The following LIMA1 variants were observed in gnomAD, a reference collection of about 807,000 sequenced individuals.
LIMA1 encodes the protein LIM domain and actin binding 1, also known as LIM domain and actin-binding protein 1.
A neutral mutation model predicts 62.6 loss-of-function variants in LIMA1; 52 were observed. The ratio of observed to expected loss-of-function variants is 0.83; its 90% CI spans 0.67 to 1.05. The LOEUF (loss-of-function observed/expected upper bound fraction) is 1.05. Ranked by LOEUF, LIMA1 falls within the 50% of genes least tolerant of loss-of-function variation. The pLI is 0.00. For missense variants in LIMA1, 780 were observed against 902.2 expected (o/e 0.86, Z 1.74); for synonymous variants, 302 against 317.8 (o/e 0.95, Z 0.53).
chr12:50,212,453 T>G (rs531579488), intron 4 of LIMA1, among the ~76,000 whole-genome samples: 1 of 152,326 alleles, frequency 6.6e-6, no homozygotes, highest in African/African-American at 2.4e-5. Flanking sequence ...GAGAAAAATT[T>G]CTTTCTTCAG....
intron 9 of LIMA1, chr12:50,186,485 T>C (rs1166621955): frequency 1.3e-5 from 2 of 152,776 alleles, no homozygotes; most frequent in Admixed American, 6.5e-5. Flanking sequence ...GGTGGTTTGT[T>C]CTGCAGCAAA....
At chr12:50,237,551 C>A (rs115416761) in intron 2 of LIMA1, among the ~76,000 whole-genome samples, 1 of 152,180 alleles carries the variant, frequency 6.6e-6, no homozygotes, top group African/African-American at 2.4e-5. Flanking sequence ...GCACGAGAAT[C>A]CTTTGAATCT....
chr12:50,203,081 C>T (rs1390347408), intron 6 of LIMA1, among the ~76,000 whole-genome samples: 1 of 148,720 alleles, frequency 6.7e-6, no homozygotes, highest in African/African-American at 2.5e-5. Context: ...GTGATCTCAG[C>T]TCACTGTAAC....
intron 7 of LIMA1, among the ~76,000 whole-genome samples, chr12:50,197,403 T>C (rs1049626149): frequency 1.3e-5 from 2 of 151,870 alleles, no homozygotes; most frequent in Admixed American, 1.3e-4. Context: ...AAGCTGAAGT[T>C]CAAATAACAC....
At chr12:50,179,303 G>A (rs568911716) in intron 10 of LIMA1, among the ~76,000 whole-genome samples, 44 of 152,158 alleles carry the variant, frequency 2.9e-4, no homozygotes, top group African/African-American at 9.9e-4. Context: ...CACCATGCAC[G>A]GCAAATTTTT....
chr12:50,177,326 T>G lies in LIMA1; in HGVS notation c.2018A>C (p.Glu673Ala). Residue 673 changes from glutamate to alanine, a missense_variant, in exon 11 of 11, where the codon GAG becomes GCG. Physicochemically the swap from Glu to Ala is moderately radical, Grantham distance 107 (BLOSUM62 -1). Transcript: ENST00000341247. ...TTCTACAAGATTCTCATTCTCCATCTCCAAACTATGACCTTCCTTACTTCT... is the reference window on the plus strand; with the variant it reads ...TTCTACAAGATTCTCATTCTCCATCGCCAAACTATGACCTTCCTTACTTCT... ...GKRSKEGHSLEMENENLVENG... is the reference protein window; with the variant it reads ...GKRSKEGHSLAMENENLVENG... 1 of 1,614,234 alleles carries G rather than the reference T, an allele frequency of 6.2e-7. No homozygotes were observed. The highest frequency in any genetic ancestry group is 2.2e-5 in the East Asian group (1 of 44,894).
intron 3 of LIMA1, among the ~76,000 whole-genome samples, chr12:50,223,764 G>A (rs1393506389): frequency 1.3e-5 from 2 of 151,912 alleles, no homozygotes; most frequent in South Asian, 2.1e-4. Flanking sequence ...CCGGCTGGGC[G>A]CAGTGGCTCA....
intron 1 of LIMA1, among the ~76,000 whole-genome samples, chr12:50,255,700 G>C (rs1941987338): frequency 6.7e-6 from 1 of 148,258 alleles, no homozygotes; most frequent in Non-Finnish European, 1.5e-5. Flanking sequence ...AATGTCATCA[G>C]GTAAAAGGGA....
intron 4 of LIMA1, among the ~76,000 whole-genome samples, chr12:50,214,556 C>T (rs1941311459): frequency 6.6e-6 from 1 of 152,218 alleles, no homozygotes; most frequent in Non-Finnish European, 1.5e-5. Context: ...CACCTATAAT[C>T]CCAGCATTTT....
intron 6 of LIMA1, chr12:50,201,449 G>A (rs748845643): frequency 2.3e-5 from 23 of 979,874 alleles, no homozygotes; most frequent in Non-Finnish European, 2.8e-5. Context: ...TTCATATATT[G>A]TACTAAAGAC....
chr12:50,177,926 T>C lies in LIMA1; in HGVS notation c.1418A>G (p.Glu473Gly). The C allele has an allele frequency of 6.2e-7, 1 of 1,614,056 alleles. No individual in the cohort carries two copies. Among genetic ancestry groups the C allele is most frequent in the South Asian group, 1.1e-5 (1 of 91,046 alleles). Residue 473 changes from glutamate to glycine, a missense_variant, in exon 11 of 11, where the codon GAG becomes GGG. Transcript: ENST00000341247. ...DLWASKNENE[E>G]ILERPAQLAN... ...AAGCTGGGCTGGTCTCTCCAAAATC[T>C]CTTCGTTTTCATTTTTGCTTGCCCA...
At chr12:50,227,752 T>C (rs1025563141) in intron 3 of LIMA1, among the ~76,000 whole-genome samples, 4 of 152,168 alleles carry the variant, frequency 2.6e-5, no homozygotes, top group African/African-American at 9.6e-5. Flanking sequence ...AGTCAGGCAC[T>C]GCCTCTTCTG....
In LIMA1 at chr12:50,248,894, C is replaced by A. The variant is rs1565858199; in HGVS notation, c.-23-120G>T. On this transcript the variant is annotated intron_variant, in intron 1 of 10. Coordinates refer to ENST00000341247, the MANE Select transcript of LIMA1 (RefSeq NM_016357.5). ...ACCACACTCCTCCACTGTTCTCCCC[C>A]AAACTGTGTAACCTTGGTCAAATGA... 3 of 642,604 alleles carry A rather than the reference C, an allele frequency of 4.7e-6. No homozygotes were observed. The East Asian group carries it at 7.8e-5, about 17-fold the overall frequency. The allele number at this position is 642,604 out of a possible 1,614,324, so 39.8% of individuals were successfully genotyped here.
intron 3 of LIMA1, among the ~76,000 whole-genome samples, chr12:50,225,315 T>C (rs906960311): frequency 6.6e-6 from 1 of 152,196 alleles, no homozygotes; most frequent in African/African-American, 2.4e-5. Flanking sequence ...TATAGAAATA[T>C]GTACCCGACA....
chr12:50,214,678 C>T (rs1242082570), intron 4 of LIMA1, among the ~76,000 whole-genome samples: 1 of 152,172 alleles, frequency 6.6e-6, no homozygotes, highest in Admixed American at 6.5e-5. Flanking sequence ...TGGTGGCATG[C>T]GCCTGTAATC....
intron 3 of LIMA1, among the ~76,000 whole-genome samples, chr12:50,230,963 C>T (rs555476409): frequency 6.6e-6 from 1 of 152,278 alleles, no homozygotes; most frequent in Non-Finnish European, 1.5e-5. Flanking sequence ...AACAAATTTA[C>T]AGGAACATAT....
chr12:50,209,567 CAAAAAAA>C (rs1203309856), intron 4 of LIMA1, among the ~76,000 whole-genome samples: 31 of 61,686 alleles, frequency 5.0e-4, no homozygotes, highest in Non-Finnish European at 5.2e-4. Context: ...GACTCCATCT[CAAAAAAA>C]AAAAAAAAAA....
chr12:50,238,873 GA>G (rs558468705), intron 2 of LIMA1, among the ~76,000 whole-genome samples: 42 of 140,594 alleles, frequency 3.0e-4, no homozygotes, highest in South Asian at 4.5e-4. Flanking sequence ...AAATCATGAA[GA>G]AAAAAAAAAA....
At chr12:50,202,551 G>A (rs1816756241) in intron 6 of LIMA1, among the ~76,000 whole-genome samples, 1 of 152,222 alleles carries the variant, frequency 6.6e-6, no homozygotes, top group African/African-American at 2.4e-5. Flanking sequence ...TCTAAGGGAA[G>A]TCTAAATTTG....
Sources: allele counts gnomAD v4.1 joint callset (sites outside exome capture counted in the v4.1 genomes callset), GRCh38; gene constraint gnomAD v4.1.1; transcripts MANE v1.5; gene names NCBI Gene and HGNC (gene_info 2026-07-23, HGNC 2026-07-21).